Variants in VRK1 observed in about 807,000 individuals in gnomAD.
VRK1 encodes the protein serine/threonine-protein kinase VRK1.
VRK1 carries 33 observed loss-of-function variants against 57.1 expected under a neutral mutation model. The ratio of observed to expected loss-of-function variants is 0.58; its 90% CI spans 0.44 to 0.77. VRK1 has a LOEUF of 0.77. Among genes scored for constraint, VRK1 ranks in the 30% least tolerant of loss-of-function variants. The pLI, the probability that VRK1 is intolerant of heterozygous loss-of-function variation, is 0.00. For missense variants in VRK1, 413 were observed against 477.3 expected, an observed-to-expected ratio of 0.87 and a Z score of 1.25; for synonymous variants, 137 against 147.8, an observed-to-expected ratio of 0.93 and a Z score of 0.53.
chr14:96,879,810 T>C (rs868743990), intron 12 of VRK1, among the ~76,000 whole-genome samples: 6 of 151,844 alleles, frequency 4.0e-5, no homozygotes, highest in South Asian at 4.2e-4. Context: ...GCACCTGTAA[T>C]CTCAGCTACT....
At chr14:96,813,272 G>A (rs926120037) in intron 1 of VRK1, among the ~76,000 whole-genome samples, 1 of 152,098 alleles carries the variant, frequency 6.6e-6, no homozygotes, top group Non-Finnish European at 1.5e-5. Context: ...ACTTTCTTTT[G>A]CATATAGGCA....
In VRK1 at chr14:96,860,704, A is replaced by G. The variant is rs1358044350; in HGVS notation, c.1037A>G (p.Asn346Ser). 3 of 1,613,088 alleles carry G rather than the reference A, an allele frequency of 1.9e-6. No individual in the cohort carries two copies. The highest frequency in any genetic ancestry group is 2.5e-6 in the Non-Finnish European group (3 of 1,179,460). ...DGKLDLSVVENGGLKAKTITK... is the reference protein window; with the variant it reads ...DGKLDLSVVESGGLKAKTITK... ...AAATTGGACCTCAGTGTTGTGGAGA[A>G]TGGAGGTTTGAAAGCAAAAACAATA... Residue 346 changes from asparagine (N) to serine (S), a missense_variant, in exon 11 of 13, where the codon AAT (asparagine) becomes AGT (serine). Asn to Ser is a conservative substitution (Grantham distance 46). Coordinates refer to ENST00000216639, the MANE Select transcript of VRK1 (RefSeq NM_003384.3).
chr14:96,798,949 C>T (rs1885550073), intron 1 of VRK1, among the ~76,000 whole-genome samples: 1 of 152,196 alleles, frequency 6.6e-6, no homozygotes. Context: ...CTCTACATCT[C>T]AACATTGCTG....
At chr14:96,830,979 A>G (rs1167324871) in intron 1 of VRK1, among the ~76,000 whole-genome samples, 2 of 152,120 alleles carry the variant, frequency 1.3e-5, no homozygotes. Context: ...GTTAGTTTTG[A>G]GAGTTGTAGA....
intron 2 of VRK1, among the ~76,000 whole-genome samples, chr14:96,833,971 T>G (rs907434815): frequency 1.3e-5 from 2 of 152,234 alleles, no homozygotes; most frequent in African/African-American, 4.8e-5. Context: ...ATTTATTCCC[T>G]CCGTGTTTGT....
intron 12 of VRK1, 91 bp from the exon 13 acceptor site, chr14:96,881,086 A>G (rs930115345): frequency 1.8e-6 from 2 of 1,111,378 alleles, no homozygotes; most frequent in Non-Finnish European, 2.6e-6. Flanking sequence ...TTAAAATGTT[A>G]ATAACTATAT....
At chr14:96,821,217 TC>T (rs2139719455) in intron 1 of VRK1, among the ~76,000 whole-genome samples, 1 of 152,292 alleles carries the variant, frequency 6.6e-6, no homozygotes, top group South Asian at 2.1e-4. Context: ...CTAGCACAGT[TC>T]CTGGCACATA....
intron 1 of VRK1, among the ~76,000 whole-genome samples, chr14:96,802,127 G>A (rs1357498016): frequency 6.6e-6 from 1 of 152,178 alleles, no homozygotes; most frequent in African/African-American, 2.4e-5. Flanking sequence ...TAGAAATGCT[G>A]ACTCTAAAAT....
At chr14:96,833,875 A>G (rs927937117) in intron 2 of VRK1, among the ~76,000 whole-genome samples, 4 of 152,204 alleles carry the variant, frequency 2.6e-5, no homozygotes, top group Non-Finnish European at 5.9e-5. Context: ...TTAGATTTTT[A>G]AGATACTTTA....
At chr14:96,880,908 AC>A (rs1674629974) in intron 12 of VRK1, among the ~76,000 whole-genome samples, 5 of 152,332 alleles carry the variant, frequency 3.3e-5, no homozygotes, top group Admixed American at 2.6e-4. Context: ...AAAATTAGAT[AC>A]GTTTTATCAG....
intron 11 of VRK1, among the ~76,000 whole-genome samples, chr14:96,865,102 C>T (rs1888533567): frequency 2.0e-5 from 3 of 152,034 alleles, no homozygotes. Context: ...GTTTATCAGT[C>T]TTTATGGTTA....
At chr14:96,874,564 A>G (rs143932403) in intron 11 of VRK1, among the ~76,000 whole-genome samples, 265 of 152,326 alleles carry the variant, frequency 1.7e-3, no homozygotes, top group African/African-American at 6.0e-3. Context: ...TTGAGAGGCA[A>G]TACCCCCATA....
chr14:96,875,510 T>G (rs988268371), intron 11 of VRK1, among the ~76,000 whole-genome samples: 1 of 152,214 alleles, frequency 6.6e-6, no homozygotes, highest in Non-Finnish European at 1.5e-5. Flanking sequence ...AGTTTTTCAT[T>G]ATTGATTCAT....
chr14:96,875,978 G>T, intron 11 of VRK1, 52 bp from the exon 12 acceptor site: 2 of 1,582,150 alleles, frequency 1.3e-6, no homozygotes, highest in African/African-American at 1.3e-5. Flanking sequence ...TGAGTTTGTA[G>T]TTTACTTGAC....
chr14:96,858,722 C>G (rs1173194464), intron 10 of VRK1, among the ~76,000 whole-genome samples: 1 of 151,822 alleles, frequency 6.6e-6, no homozygotes, highest in East Asian at 1.9e-4. Context: ...TTTCTGGACT[C>G]TCTTTTTTCA....
In VRK1 at chr14:96,797,716, C is replaced by T. The variant is rs111563893; in HGVS notation, c.-6+269C>T. On this transcript the variant is annotated intron_variant, in intron 1 of 12. Transcript: ENST00000216639. Reference sequence around the variant, plus strand: ...CTGGACTGGCCAGGCCGGCCCCCATCTGAGCTCCACGTTCTGGACGCGCGT... The same window carrying T: ...CTGGACTGGCCAGGCCGGCCCCCATTTGAGCTCCACGTTCTGGACGCGCGT... Among the ~76,000 whole-genome samples, 348 of 152,310 alleles carry T rather than the reference C, an allele frequency of 2.3e-3. 1 individual carries two copies. Among genetic ancestry groups the T allele is most frequent in the African/African-American group, 7.9e-3 (328 of 41,576 alleles).
chr14:96,870,267 T>C (rs185248229), intron 11 of VRK1, among the ~76,000 whole-genome samples: 2 of 152,318 alleles, frequency 1.3e-5, no homozygotes, highest in African/African-American at 2.4e-5. Context: ...TGTGAAATCA[T>C]TATTATTATG....
At chr14:96,874,999 C>T (rs995753113) in intron 11 of VRK1, among the ~76,000 whole-genome samples, 4 of 152,094 alleles carry the variant, frequency 2.6e-5, no homozygotes, top group Non-Finnish European at 5.9e-5. Context: ...GCATTGTGAA[C>T]CTGTGAGATT....
chr14:96,830,090 C>A, intron 1 of VRK1, among the ~76,000 whole-genome samples: 1 of 151,962 alleles, frequency 6.6e-6, no homozygotes, highest in East Asian at 1.9e-4. Context: ...AAAGTGATGA[C>A]AATTTGATTT....
Sources: gnomAD v4.1 joint callset for allele counts (sites outside exome capture counted in the v4.1 genomes callset) on GRCh38, gnomAD v4.1.1 for gene constraint, MANE v1.5 for transcripts, NCBI Gene and HGNC (gene_info 2026-07-23, HGNC 2026-07-21) for gene names.